PRAG1: variants seen among roughly 807,000 people sequenced by gnomAD.
PRAG1 encodes PEAK1 related, kinase-activating pseudokinase 1.
A neutral mutation model predicts 95.6 loss-of-function variants in PRAG1; 110 were observed. The observed-to-expected ratio is 1.15, with a 90% CI of 0.99 to 1.35. The LOEUF (loss-of-function observed/expected upper bound fraction) is 1.35. Among genes scored for constraint, PRAG1 ranks in the 40% most tolerant of loss-of-function variants. The pLI is 0.00. For missense variants in PRAG1, 2,554 were observed against 1,864.7 expected (o/e 1.37, Z -6.81); for synonymous variants, 1,052 against 819.4 (o/e 1.28, Z -4.85).
rs1335284494 is a variant in PRAG1, at chr8:8,377,505, TCTC to T, written c.901_903del (p.Glu301del). ...TCCTTGGGGAAGCTCGGGCCCCGCT[TCTC>T]CTGCTCTGCGGGCCCGGAACACTTC... On this transcript the variant is annotated inframe_deletion, in exon 3 of 6. Transcript: ENST00000615670. 1.3e-6 allele frequency: 2 copies of T among 1,559,254 alleles called. No individual in the cohort carries two copies. Among genetic ancestry groups the T allele is most frequent in the Non-Finnish European group, 1.7e-6 (2 of 1,152,726 alleles).
At chr8:8,345,046 G>GGTGTGTGTGT (rs57329300) in intron 3 of PRAG1, among the ~76,000 whole-genome samples, 4,055 of 133,892 alleles carry the variant, frequency 0.03, 74 homozygotes, top group Middle Eastern at 0.07. Context: ...TTATCCGCAG[G>GGTGTGTGTGT]GTGTGTGTGT....
chr8:8,346,587 G>A (rs566524747), intron 3 of PRAG1, among the ~76,000 whole-genome samples: 6 of 152,296 alleles, frequency 3.9e-5, no homozygotes, highest in South Asian at 2.1e-4. Context: ...GACTCCAGCC[G>A]GAAGAGCCAT....
intron 3 of PRAG1, among the ~76,000 whole-genome samples, chr8:8,366,572 C>T (rs1002952994): frequency 2.0e-5 from 3 of 151,728 alleles, no homozygotes; most frequent in Non-Finnish European, 1.5e-5. Context: ...CCTCTGCCTT[C>T]TAAAGTGCTG....
At chr8:8,381,363 G>A in intron 2 of PRAG1, 55 bp downstream of exon 2, 2 of 1,523,260 alleles carry the variant, frequency 1.3e-6, no homozygotes, top group Non-Finnish European at 1.8e-6. Flanking sequence ...CAGTCACCAA[G>A]TGTTCAAACA....
At chr8:8,384,619 A>C (rs1399669145) in intron 1 of PRAG1, among the ~76,000 whole-genome samples, 2 of 151,852 alleles carry the variant, frequency 1.3e-5, no homozygotes, top group Non-Finnish European at 2.9e-5. Flanking sequence ...AAAAAAAAAA[A>C]AAAAAAAAAA....
intron 3 of PRAG1, among the ~76,000 whole-genome samples, chr8:8,352,199 C>T (rs545131178): frequency 9.2e-5 from 14 of 152,292 alleles, no homozygotes; most frequent in Non-Finnish European, 1.6e-4. Context: ...CCATTCTTCA[C>T]GCTGGGGCAG....
chr8:8,349,993 C>T (rs889491878), intron 3 of PRAG1, among the ~76,000 whole-genome samples: 11 of 152,030 alleles, frequency 7.2e-5, no homozygotes, highest in African/African-American at 2.7e-4. Flanking sequence ...TGCACACACA[C>T]ACACATTTCG....
In PRAG1 at chr8:8,337,813, C is replaced by T. The variant is rs184496632; in HGVS notation, c.2320+1665G>A. ...AACCTCCAGCATTGAACTCACAAAC[C>T]TCCGGCAGCTCTCTGTCTCCCACCT... On this transcript the variant is annotated intron_variant, in intron 4 of 5. Transcript: ENST00000615670. Among the ~76,000 whole-genome samples the T allele has an allele frequency of 2.0e-5, 3 of 152,260 alleles. No individual in the cohort carries two copies. The East Asian group carries it at 5.8e-4, about 29-fold the overall frequency.
intron 3 of PRAG1, among the ~76,000 whole-genome samples, chr8:8,350,389 C>T (rs994442827): frequency 2.0e-5 from 3 of 152,184 alleles, no homozygotes; most frequent in African/African-American, 7.2e-5. Context: ...CTAAGAACAA[C>T]GTGTTCCAAC....
Position 8,328,359 on chromosome 8 carries a change from CCACTGGGGGA to C in PRAG1, c.2413_2422del (p.Ser805AlafsTer13). 1 of 1,613,378 alleles carries C rather than the reference CCACTGGGGGA, an allele frequency of 6.2e-7. No individual in the cohort carries two copies. Among genetic ancestry groups the C allele is most frequent in the Non-Finnish European group, 8.5e-7 (1 of 1,179,816 alleles). ...GGGGAGTGGAGGGGGCTGCTGGGGG[CCACTGGGGGA>C]CACGTCCTCAGTGGAGCCTGAAGGA... On this transcript the variant is annotated frameshift_variant, in exon 5 of 6. Transcript: ENST00000615670. LOFTEE classifies it high-confidence loss of function.
At chr8:8,381,306 G>T in intron 2 of PRAG1, 112 bp downstream of exon 2, 2 of 1,030,670 alleles carry the variant, frequency 1.9e-6, no homozygotes, top group Non-Finnish European at 2.8e-6. Context: ...CTGACAGGAA[G>T]CTATCCTGCA....
rs1340358721 is a variant in PRAG1, at chr8:8,381,838, G to C, written c.-87-4C>G. 4 of 1,022,408 alleles carry C rather than the reference G, an allele frequency of 3.9e-6. No individual in the cohort carries two copies. The East Asian group carries it at 7.9e-5, about 20-fold the overall frequency. 63.3% of individuals were successfully genotyped at this position (1,022,408 alleles called of 1,614,324 possible). On this transcript the variant is annotated splice_polypyrimidine_tract_variant and splice_region_variant and intron_variant, in intron 1 of 5. Transcript: ENST00000615670. ...AGGTGGGTCACAGAGCGGCTTCCTA[G>C]AAAGGCAGGACAGTTTCCTGATTAG... is the stretch of plus-strand genomic sequence containing the variant.
chr8:8,384,021 A>G (rs1800767728), intron 1 of PRAG1, among the ~76,000 whole-genome samples: 1 of 152,204 alleles, frequency 6.6e-6, no homozygotes, highest in African/African-American at 2.4e-5. Flanking sequence ...CACTGCAGGC[A>G]GATGCTCCCA....
intron 3 of PRAG1, among the ~76,000 whole-genome samples, chr8:8,348,108 G>C (rs909953587): frequency 6.6e-6 from 1 of 152,132 alleles, no homozygotes; most frequent in Non-Finnish European, 1.5e-5. Context: ...AGAGACACAG[G>C]GTTTCTCCAT....
chr8:8,385,730 T>C (rs957169527), intron 1 of PRAG1, among the ~76,000 whole-genome samples: 1 of 151,986 alleles, frequency 6.6e-6, no homozygotes, highest in Admixed American at 6.6e-5. Context: ...CAGCAGAGGA[T>C]TCTATGTTCT....
At chr8:8,346,392 C>T (rs1375801247) in intron 3 of PRAG1, among the ~76,000 whole-genome samples, 3 of 152,252 alleles carry the variant, frequency 2.0e-5, no homozygotes, top group Non-Finnish European at 4.4e-5. Context: ...CGGCCTCCCA[C>T]TGTTGATTAC....
chr8:8,331,352 CAGTGG>C (rs565567533), intron 4 of PRAG1, among the ~76,000 whole-genome samples: 6 of 152,148 alleles, frequency 3.9e-5, no homozygotes, highest in Non-Finnish European at 7.3e-5. Context: ...TGAGGGTGAG[CAGTGG>C]AGTGAACACT....
intron 4 of PRAG1, among the ~76,000 whole-genome samples, chr8:8,339,156 C>T (rs910057627): frequency 3.9e-5 from 6 of 152,076 alleles, no homozygotes; most frequent in African/African-American, 1.2e-4. Flanking sequence ...TAGGACCCAT[C>T]CTGAGGACAG....
At chr8:8,319,419 A>C (rs1798404171) in intron 5 of PRAG1, 117 bp from the exon 6 acceptor site, 1 of 757,938 alleles carries the variant, frequency 1.3e-6, no homozygotes, top group African/African-American at 1.8e-5. Flanking sequence ...GCTTAAGGGT[A>C]AGAGCAATCC....
Sources: allele counts gnomAD v4.1 joint callset (sites outside exome capture counted in the v4.1 genomes callset), GRCh38; gene constraint gnomAD v4.1.1; transcripts MANE v1.5; gene names NCBI Gene and HGNC (gene_info 2026-07-23, HGNC 2026-07-21).